CRACD: variants seen among roughly 807,000 people sequenced by gnomAD.
The protein encoded by CRACD is capping protein inhibiting regulator of actin dynamics.
CRACD carries 56 observed loss-of-function variants against 106.8 expected under a neutral mutation model. The observed-to-expected ratio is 0.52, with a 90% CI of 0.42 to 0.66. The LOEUF is 0.66. Among genes scored for constraint, CRACD ranks in the 30% least tolerant of loss-of-function variants. The probability of loss-of-function intolerance (pLI) is 0.00; values close to 1 mark genes in which losing one functional copy is unlikely to be tolerated. For missense variants in CRACD, 1,730 were observed against 1,623.2 expected (o/e 1.07, Z -1.13); for synonymous variants, 754 against 670.8 (o/e 1.12, Z -1.92).
At chr4:56,060,851 G>A (rs1188687912) in intron 1 of CRACD, among the ~76,000 whole-genome samples, 1 of 152,058 alleles carries the variant, frequency 6.6e-6, no homozygotes, top group Non-Finnish European at 1.5e-5. Flanking sequence ...AACCATGTGG[G>A]ACACAGCAAG....
intron 4 of CRACD, among the ~76,000 whole-genome samples, chr4:56,302,994 C>T (rs571994715): frequency 1.3e-5 from 2 of 152,300 alleles, no homozygotes; most frequent in East Asian, 3.9e-4. Flanking sequence ...CATGGAGTGT[C>T]AGTTGAGGCA....
intron 1 of CRACD, among the ~76,000 whole-genome samples, chr4:56,176,209 G>C (rs1038806222): frequency 6.6e-6 from 1 of 152,132 alleles, no homozygotes; most frequent in African/African-American, 2.4e-5. Context: ...AAATAAGGTA[G>C]TGTGATGACT....
intron 3 of CRACD, among the ~76,000 whole-genome samples, chr4:56,278,426 A>C (rs1742800875): frequency 6.6e-6 from 1 of 152,184 alleles, no homozygotes; most frequent in Non-Finnish European, 1.5e-5. Flanking sequence ...TTTTTCAACA[A>C]ATATTTCTGG....
At chr4:56,275,413 C>T (rs1742621699) in intron 3 of CRACD, among the ~76,000 whole-genome samples, 2 of 151,970 alleles carry the variant, frequency 1.3e-5, no homozygotes, top group Admixed American at 6.6e-5. Flanking sequence ...ATGATCATGT[C>T]TATGAATAGC....
intron 1 of CRACD, among the ~76,000 whole-genome samples, chr4:56,070,453 T>TA (rs1560441720): frequency 6.6e-6 from 1 of 152,064 alleles, no homozygotes; most frequent in Non-Finnish European, 1.5e-5. Context: ...GCGCCCGCCA[T>TA]CGCATCCGGC....
At chr4:56,050,273 AGTGTGTGTGTGT>A (rs3036783) in intron 1 of CRACD, among the ~76,000 whole-genome samples, 8,657 of 134,540 alleles carry the variant, frequency 0.064, 263 homozygotes, top group African/African-American at 0.083. Flanking sequence ...TAGGTGAGGG[AGTGTGTGTGTGT>A]GTGTGTGTGT....
chr4:56,056,224 C>A (rs1183776148), intron 1 of CRACD, among the ~76,000 whole-genome samples: 1 of 152,098 alleles, frequency 6.6e-6, no homozygotes, highest in Admixed American at 6.6e-5. Context: ...GTTTACAGAT[C>A]GAATTCCACT....
At chr4:56,292,344 T>C (rs905450533) in intron 3 of CRACD, among the ~76,000 whole-genome samples, 4 of 152,280 alleles carry the variant, frequency 2.6e-5, no homozygotes, top group African/African-American at 9.6e-5. Flanking sequence ...CAGTTGAGGC[T>C]CTGGGAGGAC....
intron 1 of CRACD, among the ~76,000 whole-genome samples, chr4:56,122,345 G>GA (rs201279566): frequency 0.025 from 3,427 of 135,492 alleles, 58 homozygotes; most frequent in Admixed American, 0.06. Context: ...ATTCAAAAAA[G>GA]AAAAAAAAAG....
chr4:56,070,824 C>A (rs1210495927), intron 1 of CRACD, among the ~76,000 whole-genome samples: 2 of 125,558 alleles, frequency 1.6e-5, no homozygotes, highest in Non-Finnish European at 3.4e-5. Context: ...TGGGTAAATA[C>A]TGCAGGAATG....
intron 2 of CRACD, among the ~76,000 whole-genome samples, chr4:56,253,420 A>C (rs1741161931): frequency 6.6e-6 from 1 of 152,202 alleles, no homozygotes; most frequent in Non-Finnish European, 1.5e-5. Context: ...CAGTCACCTC[A>C]TTTTGCAGAT....
At chr4:56,241,917 G>T (rs1297775976) in intron 2 of CRACD, among the ~76,000 whole-genome samples, 7 of 152,128 alleles carry the variant, frequency 4.6e-5, no homozygotes, top group Non-Finnish European at 1.5e-5. Flanking sequence ...AGAAAGTCTG[G>T]TTCTTTCATG....
At chr4:56,292,479 C>G (rs1445575791) in intron 3 of CRACD, among the ~76,000 whole-genome samples, 2 of 150,500 alleles carry the variant, frequency 1.3e-5, no homozygotes, top group African/African-American at 2.4e-5. Context: ...TTGAAGCCTT[C>G]AAGAAGATCA....
chr4:56,078,199 ATAT>A (rs1363250236), intron 1 of CRACD, among the ~76,000 whole-genome samples: 2 of 151,922 alleles, frequency 1.3e-5, no homozygotes, highest in Non-Finnish European at 2.9e-5. Context: ...ATTTCCTTTA[ATAT>A]TGTTGTTTTA....
chr4:56,262,831 G>A (rs1239106197), intron 2 of CRACD, among the ~76,000 whole-genome samples: 1 of 152,194 alleles, frequency 6.6e-6, no homozygotes, highest in African/African-American at 2.4e-5. Flanking sequence ...GAATACTGAT[G>A]TTTTCCTAAA....
At chr4:56,310,261 G>A (rs1345491872) in intron 5 of CRACD, among the ~76,000 whole-genome samples, 1 of 152,138 alleles carries the variant, frequency 6.6e-6, no homozygotes, top group African/African-American at 2.4e-5. Flanking sequence ...GCTTAGATGG[G>A]GGAGGTGTGG....
At chr4:56,081,387 G>T (rs968341057) in intron 1 of CRACD, among the ~76,000 whole-genome samples, 1 of 152,128 alleles carries the variant, frequency 6.6e-6, no homozygotes, top group African/African-American at 2.4e-5. Flanking sequence ...TGTGTGTGTT[G>T]TCTGCCCTTA....
intron 2 of CRACD, among the ~76,000 whole-genome samples, chr4:56,197,892 T>C (rs934955523): frequency 6.6e-6 from 1 of 152,166 alleles, no homozygotes; most frequent in Admixed American, 6.5e-5. Context: ...TTAGCCAGGA[T>C]GGTCTCGATC....
At chr4:56,232,766 C>G (rs777695683) in intron 2 of CRACD, among the ~76,000 whole-genome samples, 9 of 149,722 alleles carry the variant, frequency 6.0e-5, no homozygotes, top group Admixed American at 3.3e-4. Flanking sequence ...ACTCTGTCAC[C>G]CAGGCTGGAG....
Sources: gnomAD v4.1 joint callset for allele counts (sites outside exome capture counted in the v4.1 genomes callset) on GRCh38, gnomAD v4.1.1 for gene constraint, MANE v1.5 for transcripts, NCBI Gene and HGNC (gene_info 2026-07-23, HGNC 2026-07-21) for gene names.